PGPEP1: variants seen among roughly 807,000 people sequenced by gnomAD.
PGPEP1 encodes the protein pyroglutamyl-peptidase I.
A neutral mutation model predicts 24.1 loss-of-function variants in PGPEP1; 15 were observed. The observed-to-expected ratio is 0.62, with a 90% CI of 0.42 to 0.96. The LOEUF (loss-of-function observed/expected upper bound fraction) is 0.96. PGPEP1 is among the 40% of genes least tolerant of loss of function. The pLI, the probability that PGPEP1 is intolerant of heterozygous loss-of-function variation, is 0.00. For missense variants in PGPEP1, 242 were observed against 273.4 expected, an observed-to-expected ratio of 0.89 and a Z score of 0.81; for synonymous variants, 122 against 116.4, an observed-to-expected ratio of 1.05 and a Z score of -0.31.
chr19:18,348,180 C>G (rs191398878), intron 2 of PGPEP1, among the ~76,000 whole-genome samples: 1 of 152,016 alleles, frequency 6.6e-6, no homozygotes. Context: ...GTTTCTCTTC[C>G]GAGGAGGTGC....
chr19:18,342,411 G>A (rs1373075587), intron 1 of PGPEP1, among the ~76,000 whole-genome samples: 1 of 152,204 alleles, frequency 6.6e-6, no homozygotes, highest in East Asian at 1.9e-4. Flanking sequence ...TGGAAAGGGG[G>A]CCTGGAGTTT....
chr19:18,343,545 C>T (rs1311444662), intron 2 of PGPEP1, among the ~76,000 whole-genome samples: 1 of 152,044 alleles, frequency 6.6e-6, no homozygotes, highest in African/African-American at 2.4e-5. Context: ...TGCCCCAGGC[C>T]CTGGCCAGCG....
intron 2 of PGPEP1, 36 bp from the exon 3 acceptor site, chr19:18,355,859 C>T (rs755184301): frequency 1.5e-6 from 2 of 1,322,376 alleles, no homozygotes; most frequent in Non-Finnish European, 2.2e-6. Flanking sequence ...TAGCTGTCAT[C>T]TGGGGCCATG....
rs1406199702 is a variant in PGPEP1 at position 18,363,633 on chromosome 19, G to A, written c.*50G>A. On this transcript the variant is annotated 3_prime_UTR_variant, in exon 5 of 5. Transcript: ENST00000269919. ...TCATCCTGCTGGGGACCCCACGAGG[G>A]GACATCCACCCTCTGGGGTGTGGCC... 1 of 1,427,016 alleles carries A rather than the reference G, an allele frequency of 7.0e-7. No homozygotes were observed. Among genetic ancestry groups the A allele is most frequent in the Non-Finnish European group, 9.7e-7 (1 of 1,027,936 alleles). The allele number at this position is 1,427,016 out of a possible 1,614,324, so 88.4% of individuals were successfully genotyped here. A position where few individuals can be genotyped will look rare whatever the true frequency, so the allele number is the denominator to read the frequency against.
At chr19:18,357,700 C>T (rs890585134) in intron 4 of PGPEP1, 85 bp downstream of exon 4, 6 of 983,716 alleles carry the variant, frequency 6.1e-6, no homozygotes, top group Admixed American at 2.0e-5. Flanking sequence ...GCGTGTTGAC[C>T]TTGGCCTCTT....
At chr19:18,349,788 T>G (rs1024126469) in intron 2 of PGPEP1, among the ~76,000 whole-genome samples, 3 of 152,228 alleles carry the variant, frequency 2.0e-5, no homozygotes, top group Non-Finnish European at 4.4e-5. Context: ...CAGAGATTAC[T>G]CATTCTTTTA....
chr19:18,360,767 C>A (rs1458320020), intron 4 of PGPEP1, among the ~76,000 whole-genome samples: 1 of 150,958 alleles, frequency 6.6e-6, no homozygotes, highest in Non-Finnish European at 1.5e-5. Flanking sequence ...TCAGGTGATT[C>A]GCCTGCCTCG....
chr19:18,360,453 CT>C (rs1289791101), intron 4 of PGPEP1, among the ~76,000 whole-genome samples: 2 of 151,960 alleles, frequency 1.3e-5, no homozygotes, highest in East Asian at 3.9e-4. Context: ...ACTTTTTGGG[CT>C]TAGGTGATCC....
In PGPEP1 at chr19:18,363,029, T is replaced by TTTTGTGTGTGTG. The variant is rs755622717; in HGVS notation, c.438-361_438-360insTTGTGTGTGTGT. Among the ~76,000 whole-genome samples the TTTTGTGTGTGTG allele has an allele frequency of 2.7e-4, 16 of 59,474 alleles. No individual in the cohort carries two copies. In the East Asian group the frequency reaches 3.6e-3, roughly 13 times the overall value. The allele number at this position is 59,474 out of a possible 152,430, so 39.0% of individuals were successfully genotyped here. A position where few individuals can be genotyped will look rare whatever the true frequency, so the allele number is the denominator to read the frequency against. On this transcript the variant is annotated intron_variant, in intron 4 of 4. Transcript: ENST00000269919. ...AGCACTGGGAGTTATCAAGTTTTTTTTGTTTGTGTGTGTGTGTGTGTGTGT... is the reference window on the plus strand; with the variant it reads ...AGCACTGGGAGTTATCAAGTTTTTTTTTTGTGTGTGTGTGTTTGTGTGTGTGTGTGTGTGTGT...
chr19:18,347,273 T>TTTTTTC (rs1970879223), intron 2 of PGPEP1, among the ~76,000 whole-genome samples: 1 of 133,372 alleles, frequency 7.5e-6, no homozygotes, highest in Admixed American at 7.8e-5. Context: ...TTTCTTTCTT[T>TTTTTTC]TTTTTTTTTT....
intron 3 of PGPEP1, among the ~76,000 whole-genome samples, chr19:18,356,536 T>A (rs1007804208): frequency 1.3e-5 from 2 of 150,728 alleles, no homozygotes; most frequent in African/African-American, 4.9e-5. Context: ...TGCTTGAGTC[T>A]AGGAGTTTGA....
At chr19:18,349,114 A>G in intron 2 of PGPEP1, 1 of 982,830 alleles carries the variant, frequency 1.0e-6, no homozygotes, top group Non-Finnish European at 1.2e-6. Flanking sequence ...TTGTGACTGC[A>G]GGTCTTGGGG....
intron 2 of PGPEP1, among the ~76,000 whole-genome samples, chr19:18,347,174 C>T (rs749513138): frequency 2.6e-5 from 4 of 151,676 alleles, no homozygotes; most frequent in Admixed American, 6.6e-5. Flanking sequence ...CTTGACCTCC[C>T]GGGCTCAGGT....
intron 2 of PGPEP1, among the ~76,000 whole-genome samples, chr19:18,351,673 A>C (rs940178836): frequency 3.2e-4 from 49 of 151,732 alleles, no homozygotes; most frequent in African/African-American, 1.1e-3. Context: ...AACAAGCCAG[A>C]TGTGGTGGTA....
intron 2 of PGPEP1, among the ~76,000 whole-genome samples, chr19:18,343,552 A>G (rs1381187998): frequency 6.6e-6 from 1 of 152,160 alleles, no homozygotes; most frequent in Non-Finnish European, 1.5e-5. Context: ...GGCCCTGGCC[A>G]GCGGCTACAG....
chr19:18,352,870 T>C (rs73009419), intron 2 of PGPEP1, among the ~76,000 whole-genome samples: 4,406 of 151,846 alleles, frequency 0.029, 108 homozygotes, highest in Non-Finnish European at 0.043. Context: ...CTCACTATTA[T>C]TCAACTTTTT....
At chr19:18,347,266 C>CTTT (rs1487612760) in intron 2 of PGPEP1, among the ~76,000 whole-genome samples, 2 of 56,654 alleles carry the variant, frequency 3.5e-5, no homozygotes, top group Admixed American at 2.4e-4. Flanking sequence ...TTCTTTCTTT[C>CTTT]TTTCTTTTTT....
At chr19:18,354,961 C>CTTT (rs761843314) in intron 2 of PGPEP1, among the ~76,000 whole-genome samples, 218 of 94,734 alleles carry the variant, frequency 2.3e-3, no homozygotes, top group Non-Finnish European at 2.9e-3. Context: ...TAAGTCGATA[C>CTTT]TTTTTTTTTT....
At chr19:18,353,487 G>A (rs1971094948) in intron 2 of PGPEP1, among the ~76,000 whole-genome samples, 1 of 152,262 alleles carries the variant, frequency 6.6e-6, no homozygotes, top group South Asian at 2.1e-4. Flanking sequence ...TGGGATTACA[G>A]GCATGAGCCA....
Sources: allele counts gnomAD v4.1 joint callset (sites outside exome capture counted in the v4.1 genomes callset), GRCh38; gene constraint gnomAD v4.1.1; transcripts MANE v1.5; gene names NCBI Gene and HGNC (gene_info 2026-07-23, HGNC 2026-07-21).